Variants in IGHMBP2 observed in about 807,000 individuals in gnomAD.
IGHMBP2 encodes immunoglobulin mu DNA binding protein 2, also known as DNA-binding protein SMUBP-2.
IGHMBP2 carries 81 observed loss-of-function variants against 96.0 expected under a neutral mutation model. The observed-to-expected ratio is 0.84, with a 90% CI of 0.71 to 1.01. IGHMBP2 has a LOEUF of 1.01. Among genes scored for constraint, IGHMBP2 ranks in the 50% least tolerant of loss-of-function variants. IGHMBP2 has a pLI of 0.00. For missense variants in IGHMBP2, 1,227 were observed against 1,306.3 expected (o/e 0.94, Z 0.94); for synonymous variants, 557 against 548.9 (o/e 1.01, Z -0.21).
intron 6 of IGHMBP2, among the ~76,000 whole-genome samples, chr11:68,917,066 C>T (rs1387483233): frequency 5.3e-5 from 8 of 150,076 alleles, no homozygotes; most frequent in African/African-American, 1.5e-4. Context: ...CTGCAACCTC[C>T]GCCTCCTGGG....
In IGHMBP2 at chr11:68,917,768, G is replaced by A. The variant is rs1364742278; in HGVS notation, c.945G>A (p.Glu315=). Residue 315 remains glutamate (E), a synonymous_variant, in exon 7 of 15, where the codon GAG becomes GAA. Coordinates refer to ENST00000255078, the MANE Select transcript of IGHMBP2 (RefSeq NM_002180.3). ...ACAAAAAGACCCAGGATAAGAGAGA[G>A]AAAAGTAATTTTCGAAATGAAATTA... The part of the protein sequence containing the change: ...VKNKKTQDKR[E]KSNFRNEIKL... 1 of 1,613,124 alleles carries A rather than the reference G, an allele frequency of 6.2e-7. No homozygotes were observed. The highest frequency in any genetic ancestry group is 8.5e-7 in the Non-Finnish European group (1 of 1,179,268).
chr11:68,933,159 G>A (rs1160514216), intron 8 of IGHMBP2, 140 bp from the exon 9 acceptor site: 12 of 847,596 alleles, frequency 1.4e-5, no homozygotes, highest in South Asian at 7.6e-5. Context: ...AGCCAAACCC[G>A]CCCCTTGGTT....
At chr11:68,933,229 A>T in intron 8 of IGHMBP2, 70 bp from the exon 9 acceptor site, 1 of 1,475,264 alleles carries the variant, frequency 6.8e-7, no homozygotes, top group South Asian at 1.2e-5. Context: ...TGTCCTCCTC[A>T]CTTGCTGTGG....
At chr11:68,914,537 T>C (rs1328068610) in intron 5 of IGHMBP2, among the ~76,000 whole-genome samples, 1 of 152,172 alleles carries the variant, frequency 6.6e-6, no homozygotes, top group Non-Finnish European at 1.5e-5. Flanking sequence ...AGTTACAGGG[T>C]GCTCTCTTAG....
intron 13 of IGHMBP2, among the ~76,000 whole-genome samples, 180 bp downstream of exon 13, chr11:68,937,271 G>A (rs994707701): frequency 3.3e-5 from 5 of 152,178 alleles, no homozygotes; most frequent in South Asian, 2.1e-4. Context: ...CCCCTAGGTC[G>A]GTGATCAGGT....
At chr11:68,924,270 A>T (rs931415671) in intron 7 of IGHMBP2, among the ~76,000 whole-genome samples, 3 of 152,162 alleles carry the variant, frequency 2.0e-5, no homozygotes, top group African/African-American at 7.2e-5. Context: ...AGAGCTGTGT[A>T]CCTTGTGACT....
chr11:68,939,440 G>T (rs949466447), intron 14 of IGHMBP2, 94 bp from the exon 15 acceptor site: 2 of 1,339,918 alleles, frequency 1.5e-6, no homozygotes. Flanking sequence ...CTCTGTTGGG[G>T]CGCCTGTGGC....
chr11:68,934,936 G>T (rs1223091222), intron 11 of IGHMBP2, among the ~76,000 whole-genome samples: 1 of 152,234 alleles, frequency 6.6e-6, no homozygotes, highest in Non-Finnish European at 1.5e-5. Flanking sequence ...TCTGGCTCAG[G>T]TCGTGTTCCC....
chr11:68,929,159 C>T, intron 7 of IGHMBP2, 24 bp from the exon 8 acceptor site: 1 of 1,609,208 alleles, frequency 6.2e-7, no homozygotes, highest in South Asian at 1.1e-5. Context: ...CCCCTGGAGA[C>T]TCCCGGCTCC....
chr11:68,922,856 C>A (rs761418725), intron 7 of IGHMBP2, among the ~76,000 whole-genome samples: 1 of 152,184 alleles, frequency 6.6e-6, no homozygotes, highest in Non-Finnish European at 1.5e-5. Context: ...TTGCTGAGTT[C>A]ACTAATTTCC....
chr11:68,940,042 C>T lies in IGHMBP2; in HGVS notation c.*311C>T, dbSNP rs1000458045. 3 of 409,728 alleles carry T rather than the reference C, an allele frequency of 7.3e-6. No homozygotes were observed. Among genetic ancestry groups the T allele is most frequent in the Non-Finnish European group, 1.3e-5 (3 of 225,128 alleles). The allele number at this position is 409,728 out of a possible 1,614,324, so 25.4% of individuals were successfully genotyped here. A position where few individuals can be genotyped will look rare whatever the true frequency, so the allele number is the denominator to read the frequency against. On this transcript the variant is annotated 3_prime_UTR_variant, in exon 15 of 15. Coordinates refer to ENST00000255078, the MANE Select transcript of IGHMBP2 (RefSeq NM_002180.3). ...TGGATCCTGGGGAAGGTTCCAGTCCCTGGAGAATACCCAGGGCCTCAAACT... is the reference window on the plus strand; with the variant it reads ...TGGATCCTGGGGAAGGTTCCAGTCCTTGGAGAATACCCAGGGCCTCAAACT...
intron 4 of IGHMBP2, among the ~76,000 whole-genome samples, chr11:68,909,083 C>T (rs1256634536): frequency 6.6e-6 from 1 of 150,772 alleles, no homozygotes. Context: ...TCATGATCCA[C>T]CCGCCTTGGC....
chr11:68,939,993 C>G lies in IGHMBP2; in HGVS notation c.*262C>G. 2.0e-6 allele frequency: 1 copy of G among 504,154 alleles called. No individual in the cohort carries two copies. Among genetic ancestry groups the G allele is most frequent in the Non-Finnish European group, 3.6e-6 (1 of 281,494 alleles). The allele number at this position is 504,154 out of a possible 1,614,324, so 31.2% of individuals were successfully genotyped here. ...ATGCACGTCCCTTCCCCTTACTCCC[C>G]GCCAAAACCCACATCCCAGCCTCTG... On this transcript the variant is annotated 3_prime_UTR_variant, in exon 15 of 15. Coordinates refer to ENST00000255078, the MANE Select transcript of IGHMBP2 (RefSeq NM_002180.3).
intron 13 of IGHMBP2, 197 bp from the exon 14 acceptor site, chr11:68,937,985 G>A (rs1035071754): frequency 9.5e-6 from 6 of 633,206 alleles, no homozygotes; most frequent in African/African-American, 3.6e-5. Flanking sequence ...TAATAGAGAC[G>A]GGGTCTCACT....
chr11:68,906,501 T>C (rs1328500419), intron 2 of IGHMBP2: 1 of 469,626 alleles, frequency 2.1e-6, no homozygotes, highest in African/African-American at 2.0e-5. Flanking sequence ...ACACACCAAA[T>C]TTGGAAGATT....
chr11:68,918,820 A>G (rs975750742), intron 7 of IGHMBP2, among the ~76,000 whole-genome samples: 5 of 152,164 alleles, frequency 3.3e-5, no homozygotes, highest in South Asian at 2.1e-4. Flanking sequence ...GCAGGTTTCA[A>G]TTGATCTTCC....
rs374922585 is a variant in IGHMBP2, at chr11:68,930,520, G to T, written c.1235+1163G>T. Reference sequence around the variant, plus strand: ...GAAATAAAGATGGTGGAAGAAAGAGGAGTGCTGAGGAAAGGTGCTCTGAAA... The same window carrying T: ...GAAATAAAGATGGTGGAAGAAAGAGTAGTGCTGAGGAAAGGTGCTCTGAAA... On this transcript the variant is annotated intron_variant, in intron 8 of 14. Coordinates refer to ENST00000255078, the MANE Select transcript of IGHMBP2 (RefSeq NM_002180.3). 404 of 1,259,582 alleles carry T rather than the reference G, an allele frequency of 3.2e-4. 9 individuals carry two copies. The South Asian group carries it at 4.0e-3, about 12-fold the overall frequency. The allele number at this position is 1,259,582 out of a possible 1,614,324, so 78.0% of individuals were successfully genotyped here.
In IGHMBP2 at chr11:68,906,064, T is replaced by C. The variant is rs2154006529; in HGVS notation, c.87-5T>C. 1.2e-6 allele frequency: 2 copies of C among 1,613,948 alleles called. No individual in the cohort carries two copies. The highest frequency in any genetic ancestry group is 1.7e-6 in the Non-Finnish European group (2 of 1,179,900). On this transcript the variant is annotated splice_region_variant and splice_polypyrimidine_tract_variant and intron_variant, in intron 1 of 14. Transcript: ENST00000255078. ...CCTGAAGCATCAATACCGGGTGTCT[T>C]CCAGGTCCTGGCAGGAGAACATCTC... is the stretch of plus-strand genomic sequence containing the variant.
chr11:68,904,817 T>TTTTTTTTTTTTAA (rs1858121353), intron 1 of IGHMBP2, among the ~76,000 whole-genome samples: 1 of 149,320 alleles, frequency 6.7e-6, no homozygotes, highest in African/African-American at 2.4e-5. Flanking sequence ...TTTTTTTTTT[T>TTTTTTTTTTTTAA]AGACAGAGTC....
Sources: allele counts gnomAD v4.1 joint callset (sites outside exome capture counted in the v4.1 genomes callset), GRCh38; gene constraint gnomAD v4.1.1; transcripts MANE v1.5; gene names NCBI Gene and HGNC (gene_info 2026-07-23, HGNC 2026-07-21).